Variants in GPC5 observed in about 807,000 individuals in gnomAD.
GPC5 encodes glypican 5.
A neutral mutation model predicts 53.9 loss-of-function variants in GPC5; 47 were observed. That is an observed-to-expected ratio of 0.87 (90% CI 0.69 to 1.11). GPC5 has a LOEUF of 1.11. GPC5 is among the 50% of genes most tolerant of loss of function. GPC5 has a pLI of 0.00. For synonymous variants in GPC5, 286 were observed against 263.3 expected (o/e 1.09, Z -0.84); for missense variants, 748 against 713.1 (o/e 1.05, Z -0.56).
At chr13:92,225,842 G>A (rs2042481992) in intron 7 of GPC5, among the ~76,000 whole-genome samples, 1 of 151,814 alleles carries the variant, frequency 6.6e-6, no homozygotes, top group Non-Finnish European at 1.5e-5. Flanking sequence ...ACTCTAACTG[G>A]TAACTATGAG....
At chr13:92,008,059 A>ATTT (rs33911884) in intron 6 of GPC5, among the ~76,000 whole-genome samples, 49 of 127,168 alleles carry the variant, frequency 3.9e-4, no homozygotes, top group East Asian at 7.1e-4. Context: ...AATGAGAATA[A>ATTT]TTTTTTTTTT....
chr13:92,122,362 C>G (rs754154050), intron 6 of GPC5, among the ~76,000 whole-genome samples: 3 of 151,538 alleles, frequency 2.0e-5, no homozygotes, highest in Non-Finnish European at 2.9e-5. Flanking sequence ...CTCAGATGTC[C>G]GAAACTTCTG....
chr13:92,836,223 G>A (rs1250978807), intron 7 of GPC5, among the ~76,000 whole-genome samples: 1 of 151,364 alleles, frequency 6.6e-6, no homozygotes. Context: ...ATTCAATATT[G>A]TCCTCTTATC....
intron 6 of GPC5, among the ~76,000 whole-genome samples, chr13:92,046,236 T>G (rs1594742047): frequency 6.6e-6 from 1 of 152,200 alleles, no homozygotes; most frequent in Non-Finnish European, 1.5e-5. Context: ...TGAAGTCTCT[T>G]CTTTAAATTT....
intron 7 of GPC5, among the ~76,000 whole-genome samples, chr13:92,629,768 G>A (rs1045035973): frequency 6.6e-6 from 1 of 151,998 alleles, no homozygotes; most frequent in African/African-American, 2.4e-5. Context: ...GGAAACAAAT[G>A]TAGAACTAGA....
intron 7 of GPC5, among the ~76,000 whole-genome samples, chr13:92,260,934 A>C (rs1028638045): frequency 3.3e-5 from 5 of 152,202 alleles, no homozygotes; most frequent in Admixed American, 6.5e-5. Context: ...TGAAAGAATC[A>C]GCCCTTAAGA....
chr13:92,672,539 C>T (rs1886787270), intron 7 of GPC5, among the ~76,000 whole-genome samples: 3 of 152,100 alleles, frequency 2.0e-5, no homozygotes, highest in Admixed American at 2.0e-4. Context: ...TGGGTATATA[C>T]TCAAAGGAAT....
At chr13:92,256,907 C>T (rs1479509121) in intron 7 of GPC5, among the ~76,000 whole-genome samples, 1 of 151,972 alleles carries the variant, frequency 6.6e-6, no homozygotes, top group Non-Finnish European at 1.5e-5. Flanking sequence ...ACTGAATGTG[C>T]TTGAGAAAGA....
At chr13:91,586,563 TAGAGAG>T (rs3055914) in intron 2 of GPC5, among the ~76,000 whole-genome samples, 4,049 of 41,974 alleles carry the variant, frequency 0.096, 585 homozygotes, top group African/African-American at 0.28. Flanking sequence ...TATATATATG[TAGAGAG>T]AGAGAGAGAG....
rs375184940 is a variant in GPC5 at position 92,149,273 on chromosome 13, C to A, written c.1561+4284C>A. On this transcript the variant is annotated intron_variant, in intron 7 of 7. Transcript: ENST00000377067. ...TTTTCCCACAGACTCCTTACTGAAT[C>A]GTAATTATGAAAATAATAAGGTTCC... Among the ~76,000 whole-genome samples, 6 of 152,078 alleles carry A rather than the reference C, an allele frequency of 3.9e-5. No individual in the cohort carries two copies. The East Asian group carries it at 5.8e-4, about 15-fold the overall frequency.
intron 6 of GPC5, among the ~76,000 whole-genome samples, chr13:92,116,094 A>G (rs192415524): frequency 5.9e-5 from 9 of 152,214 alleles, no homozygotes; most frequent in Non-Finnish European, 1.0e-4. Flanking sequence ...CTACAAAAAA[A>G]TCAGAAAAAA....
At position 92,108,928 on chromosome 13, in the gene GPC5, T is replaced by C. The variant is rs2041531108; in HGVS notation, c.1402-35902T>C. 2.6e-5 allele frequency among the ~76,000 whole-genome samples: 4 copies of C among 152,234 alleles called. No homozygotes were observed. In the South Asian group the frequency reaches 8.3e-4, roughly 32 times the overall value. On this transcript the variant is annotated intron_variant, in intron 6 of 7. Transcript: ENST00000377067. ...TAATGTACATCTCTACTATGAAATA[T>C]AAAAAATTCTTCCTTAGTTCATCTT... is the stretch of plus-strand genomic sequence containing the variant.
chr13:92,577,776 A>G (rs1466368258), intron 7 of GPC5, among the ~76,000 whole-genome samples: 1 of 147,414 alleles, frequency 6.8e-6, no homozygotes, highest in Non-Finnish European at 1.5e-5. Context: ...GCAAGTTTAC[A>G]GAAGAAAAAG....
At position 92,080,258 on chromosome 13, in the gene GPC5, C is replaced by G. The variant is rs1395363712; in HGVS notation, c.1402-64572C>G. On this transcript the variant is annotated intron_variant, in intron 6 of 7. Coordinates refer to ENST00000377067, the MANE Select transcript of GPC5 (RefSeq NM_004466.6). ...GCTCTCATTCTATTTTCTCTCCAAC[C>G]ACATCCTCTTCTTGGATGGTCCCAT... Among the ~76,000 whole-genome samples the G allele has an allele frequency of 2.0e-5, 3 of 152,094 alleles. No individual in the cohort carries two copies. In the South Asian group the frequency reaches 6.2e-4, roughly 32 times the overall value.
intron 7 of GPC5, among the ~76,000 whole-genome samples, chr13:92,329,209 G>C (rs2043272296): frequency 6.6e-6 from 1 of 152,096 alleles, no homozygotes; most frequent in African/African-American, 2.4e-5. Flanking sequence ...GGCTTACTTG[G>C]CTCATGGTTC....
intron 7 of GPC5, among the ~76,000 whole-genome samples, chr13:92,654,753 C>CAA (rs36012771): frequency 0.024 from 3,621 of 148,376 alleles, 74 homozygotes; most frequent in African/African-American, 0.058. Context: ...TTGTATTCAT[C>CAA]AAAAAAAAAA....
chr13:91,483,498 G>A (rs770184154), intron 2 of GPC5, among the ~76,000 whole-genome samples: 27 of 152,020 alleles, frequency 1.8e-4, no homozygotes, highest in Non-Finnish European at 3.8e-4. Flanking sequence ...CTATTATGAC[G>A]CTCATCCTCA....
At chr13:91,424,150 C>A (rs949414024) in intron 1 of GPC5, among the ~76,000 whole-genome samples, 2 of 152,040 alleles carry the variant, frequency 1.3e-5, no homozygotes, top group Non-Finnish European at 2.9e-5. Context: ...GGAACTCTTG[C>A]ACTGTAGTGG....
intron 7 of GPC5, among the ~76,000 whole-genome samples, chr13:92,334,846 T>C (rs1441482112): frequency 6.6e-6 from 1 of 152,154 alleles, no homozygotes; most frequent in Non-Finnish European, 1.5e-5. Context: ...CAGGTCACAC[T>C]GATGCAAAAG....
Sources: gnomAD v4.1 joint callset for allele counts (sites outside exome capture counted in the v4.1 genomes callset) on GRCh38, gnomAD v4.1.1 for gene constraint, MANE v1.5 for transcripts, NCBI Gene and HGNC (gene_info 2026-07-23, HGNC 2026-07-21) for gene names.